The following CSMD1 variants were observed in gnomAD, a reference collection of about 807,000 sequenced individuals.
CSMD1 encodes the protein CUB and sushi domain-containing protein 1.
A neutral mutation model predicts 417.5 loss-of-function variants in CSMD1; 213 were observed. The observed-to-expected ratio is 0.51, with a 90% confidence interval of 0.46 to 0.57. The LOEUF is 0.57. CSMD1 is among the 20% of genes least tolerant of loss of function. CSMD1 has a pLI of 0.00. For synonymous variants in CSMD1, 2,862 were observed against 1,736.8 expected (o/e 1.65, Z -16.11); for missense variants, 6,923 against 4,529.7 (o/e 1.53, Z -15.17).
chr8:4,155,115 C>T (rs1002979957), intron 3 of CSMD1, among the ~76,000 whole-genome samples: 21 of 152,138 alleles, frequency 1.4e-4, no homozygotes, highest in Admixed American at 5.9e-4. Context: ...CCACATGACG[C>T]GCATGCACTA....
At chr8:3,876,471 T>C (rs1041834880) in intron 5 of CSMD1, among the ~76,000 whole-genome samples, 4 of 152,234 alleles carry the variant, frequency 2.6e-5, no homozygotes, top group Admixed American at 6.5e-5. Flanking sequence ...TGGAGAGTCC[T>C]AACAGAATTG....
intron 5 of CSMD1, among the ~76,000 whole-genome samples, chr8:3,826,934 G>A (rs550330701): frequency 1.3e-5 from 2 of 152,150 alleles, no homozygotes; most frequent in African/African-American, 2.4e-5. Flanking sequence ...CTACAGGCAT[G>A]TGCCTAGCTA....
chr8:3,160,575 G>C (rs1407315062), intron 38 of CSMD1, among the ~76,000 whole-genome samples: 2 of 152,154 alleles, frequency 1.3e-5, no homozygotes, highest in Non-Finnish European at 1.5e-5. Context: ...AGAGACTCTC[G>C]CTCTGCCTCC....
intron 5 of CSMD1, among the ~76,000 whole-genome samples, chr8:3,764,019 G>A (rs976101401): frequency 6.6e-6 from 1 of 152,130 alleles, no homozygotes; most frequent in Non-Finnish European, 1.5e-5. Context: ...CTCAGCAGGT[G>A]TTTGGCACAC....
chr8:3,884,947 A>C (rs1806456951), intron 5 of CSMD1, among the ~76,000 whole-genome samples: 1 of 148,756 alleles, frequency 6.7e-6, no homozygotes, highest in Non-Finnish European at 1.5e-5. Flanking sequence ...ATATATATAC[A>C]CACACACACA....
intron 1 of CSMD1, among the ~76,000 whole-genome samples, chr8:4,823,001 G>A (rs1012778702): frequency 6.6e-6 from 1 of 152,054 alleles, no homozygotes; most frequent in Non-Finnish European, 1.5e-5. Flanking sequence ...GTAATTATTT[G>A]TATTTCACAA....
At chr8:4,768,595 A>C (rs1039912180) in intron 1 of CSMD1, among the ~76,000 whole-genome samples, 1 of 152,060 alleles carries the variant, frequency 6.6e-6, no homozygotes, top group Non-Finnish European at 1.5e-5. Context: ...GCTGTTTCTG[A>C]TTTGTTCTGT....
chr8:3,396,610 A>G (rs552792474), intron 16 of CSMD1, among the ~76,000 whole-genome samples: 1 of 152,326 alleles, frequency 6.6e-6, no homozygotes, highest in East Asian at 1.9e-4. Context: ...CTGTCTTACA[A>G]TATTACAGAC....
intron 10 of CSMD1, among the ~76,000 whole-genome samples, chr8:3,502,184 G>A (rs1396760902): frequency 1.3e-5 from 2 of 151,914 alleles, no homozygotes; most frequent in Admixed American, 6.6e-5. Context: ...CTAACGTGGT[G>A]AAACCCCGTC....
intron 3 of CSMD1, among the ~76,000 whole-genome samples, chr8:4,102,017 C>G (rs1801330081): frequency 6.6e-6 from 1 of 152,202 alleles, no homozygotes; most frequent in Non-Finnish European, 1.5e-5. Flanking sequence ...TGAGGGATTA[C>G]TGTCACAGAT....
intron 10 of CSMD1, among the ~76,000 whole-genome samples, chr8:3,564,758 A>G (rs1157142278): frequency 6.6e-6 from 1 of 152,112 alleles, no homozygotes; most frequent in Admixed American, 6.6e-5. Context: ...AAAAACCCAA[A>G]AAACCACAAT....
chr8:3,996,154 C>G (rs941304473), intron 5 of CSMD1, among the ~76,000 whole-genome samples: 1 of 151,556 alleles, frequency 6.6e-6, no homozygotes, highest in African/African-American at 2.4e-5. Flanking sequence ...ATCATAGGTT[C>G]TAGAATCACT....
intron 1 of CSMD1, among the ~76,000 whole-genome samples, chr8:4,840,312 A>G (rs1225067114): frequency 6.6e-6 from 1 of 152,190 alleles, no homozygotes; most frequent in Non-Finnish European, 1.5e-5. Flanking sequence ...TCCACCTTCT[A>G]TTCAGCACAG....
intron 3 of CSMD1, among the ~76,000 whole-genome samples, chr8:4,282,738 T>C (rs1796856393): frequency 6.6e-6 from 1 of 152,220 alleles, no homozygotes; most frequent in Admixed American, 6.5e-5. Context: ...TAATTACTTG[T>C]AGCAATAGTA....
chr8:2,955,394 C>A (rs1173103366), intron 64 of CSMD1, among the ~76,000 whole-genome samples, 195 bp downstream of exon 64: 3 of 152,168 alleles, frequency 2.0e-5, no homozygotes, highest in Non-Finnish European at 4.4e-5. Context: ...AGCTATGCCA[C>A]CATTGCATCA....
intron 4 of CSMD1, among the ~76,000 whole-genome samples, chr8:4,013,520 T>A (rs1341175161): frequency 3.3e-5 from 5 of 152,162 alleles, no homozygotes; most frequent in Admixed American, 3.3e-4. Context: ...ACCAGGCAGA[T>A]GGTCACCATA....
chr8:4,312,560 T>A (rs1277314378), intron 3 of CSMD1, among the ~76,000 whole-genome samples: 2 of 151,482 alleles, frequency 1.3e-5, no homozygotes, highest in Non-Finnish European at 2.9e-5. Flanking sequence ...CTCACAGTCG[T>A]TCTATTTATG....
intron 4 of CSMD1, among the ~76,000 whole-genome samples, chr8:4,010,039 G>A (rs912972019): frequency 9.9e-5 from 15 of 152,094 alleles, no homozygotes; most frequent in East Asian, 5.8e-4. Context: ...CTACTTCCTC[G>A]AAAACTGAAA....
At chr8:4,418,913 C>G (rs747912700) in intron 3 of CSMD1, among the ~76,000 whole-genome samples, 1 of 152,078 alleles carries the variant, frequency 6.6e-6, no homozygotes, top group Non-Finnish European at 1.5e-5. Flanking sequence ...AGCATTATTC[C>G]ACACGTAACT....
Sources: allele counts gnomAD v4.1 joint callset (sites outside exome capture counted in the v4.1 genomes callset), GRCh38; gene constraint gnomAD v4.1.1; transcripts MANE v1.5; gene names NCBI Gene and HGNC (gene_info 2026-07-23, HGNC 2026-07-21).